Variants in FNTB observed in about 807,000 individuals in gnomAD.
FNTB encodes the protein farnesyltransferase, CAAX box, subunit beta, also known as protein farnesyltransferase subunit beta.
Under a neutral mutation model 59.4 loss-of-function variants are expected in FNTB, and 27 were observed. The observed-to-expected ratio is 0.45, with a 90% CI of 0.34 to 0.63. FNTB has a LOEUF of 0.63. Ranked by LOEUF, FNTB falls within the 20% of genes least tolerant of loss-of-function variation. FNTB has a pLI of 0.02. For missense variants in FNTB, 449 were observed against 559.6 expected (o/e 0.80, Z 1.99); for synonymous variants, 230 against 220.7 (o/e 1.04, Z -0.37).
At chr14:65,006,174 G>A in intron 2 of FNTB, 1 of 1,218,578 alleles carries the variant, frequency 8.2e-7, no homozygotes, top group African/African-American at 2.5e-5. Flanking sequence ...TTTTTTTTTT[G>A]CCACCATTTC....
intron 7 of FNTB, among the ~76,000 whole-genome samples, chr14:65,038,093 G>C (rs1481047003): frequency 1.3e-5 from 2 of 152,000 alleles, no homozygotes; most frequent in African/African-American, 4.8e-5. Context: ...CATCCCATTA[G>C]TACATTTGAT....
intron 11 of FNTB, among the ~76,000 whole-genome samples, chr14:65,055,293 T>C (rs983463043): frequency 6.6e-6 from 1 of 152,198 alleles, no homozygotes; most frequent in African/African-American, 2.4e-5. Context: ...GCTCTGAGCC[T>C]AGACGTGAGC....
intron 4 of FNTB, among the ~76,000 whole-genome samples, chr14:65,025,196 A>G (rs1293810721): frequency 6.6e-6 from 1 of 152,172 alleles, no homozygotes; most frequent in East Asian, 1.9e-4. Context: ...GATGGTATCA[A>G]GGTGTGTCTG....
intron 1 of FNTB, among the ~76,000 whole-genome samples, chr14:64,989,165 A>G (rs1003265822): frequency 6.6e-6 from 1 of 151,974 alleles, no homozygotes; most frequent in Non-Finnish European, 1.5e-5. Context: ...AGTAAAAACA[A>G]ATTGATGGCT....
Position 65,025,354 on chromosome 14 carries a change from G to A in FNTB, c.375-2099G>A, listed in dbSNP as rs554827298. ...AAATGTGCTGTTAAGTTTTGTATCA[G>A]CTAAAACTTTTTGTGGTACAGAAAC... On this transcript the variant is annotated intron_variant, in intron 4 of 11. Transcript: ENST00000246166. 3.3e-5 allele frequency among the ~76,000 whole-genome samples: 5 copies of A among 152,300 alleles called. No individual in the cohort carries two copies. The East Asian group carries it at 9.6e-4, about 29-fold the overall frequency.
chr14:64,986,959 T>G lies in FNTB; in HGVS notation c.6T>G (p.Ala2=), dbSNP rs1307283220. The change falls in exon 1 of 12, where the codon GCT becomes GCG. Residue 2 remains alanine (A), a synonymous_variant. Coordinates refer to ENST00000246166, the MANE Select transcript of FNTB (RefSeq NM_002028.4). M[A]SPSSFTYYCP... is the part of the protein sequence containing the mutation. ...TGTCTGCTGCTCTCCTGATCATGGC[T>G]TCTCCGAGTTCTTTCACCTACTATT... The G allele has an allele frequency of 1.9e-6, 3 of 1,614,134 alleles. No individual in the cohort carries two copies. The highest frequency in any genetic ancestry group is 3.3e-5 in the Admixed American group (2 of 60,016).
At chr14:65,004,875 C>G (rs765221164) in intron 2 of FNTB, among the ~76,000 whole-genome samples, 1 of 152,088 alleles carries the variant, frequency 6.6e-6, no homozygotes, top group African/African-American at 2.4e-5. Flanking sequence ...GTTGGCCAGT[C>G]TTGTCTTAAA....
chr14:65,043,586 G>C (rs1430577857), intron 8 of FNTB, among the ~76,000 whole-genome samples: 1 of 152,068 alleles, frequency 6.6e-6, no homozygotes, highest in Non-Finnish European at 1.5e-5. Context: ...ACTTTGGGAG[G>C]CCGAGGCGGG....
Position 65,061,372 on chromosome 14 carries a change from C to T in FNTB, c.*60C>T, listed in dbSNP as rs181587610. The T allele has an allele frequency of 1.2e-5, 19 of 1,606,490 alleles. No homozygotes were observed. The East Asian group carries it at 1.3e-4, about 11-fold the overall frequency. Reference sequence around the variant, plus strand: ...TCTCCCCAGTCAGACAAGGTTTATACGTTTCAATACATACTGCATTCTGTG... The same window carrying T: ...TCTCCCCAGTCAGACAAGGTTTATATGTTTCAATACATACTGCATTCTGTG... On this transcript the variant is annotated 3_prime_UTR_variant, in exon 12 of 12. Coordinates refer to ENST00000246166, the MANE Select transcript of FNTB (RefSeq NM_002028.4).
At chr14:65,004,771 T>C (rs2061555566) in intron 2 of FNTB, among the ~76,000 whole-genome samples, 1 of 152,132 alleles carries the variant, frequency 6.6e-6, no homozygotes, top group Non-Finnish European at 1.5e-5. Flanking sequence ...CAAGTGATTC[T>C]CCTGCCTCAG....
chr14:65,040,721 AGGATGGTCCTG>A, intron 7 of FNTB, 58 bp from the exon 8 acceptor site: 1 of 1,519,858 alleles, frequency 6.6e-7, no homozygotes, highest in African/African-American at 1.4e-5. Context: ...TCTGCCACCT[AGGATGGTCCTG>A]GTCTTGTGTA....
intron 2 of FNTB, chr14:65,006,265 GTTAAC>G: frequency 6.2e-7 from 1 of 1,613,812 alleles, no homozygotes; most frequent in East Asian, 2.2e-5. Context: ...AGGTGGGAGG[GTTAAC>G]TTCATCTTTG....
At chr14:65,038,268 G>T (rs1438285601) in intron 7 of FNTB, among the ~76,000 whole-genome samples, 1 of 151,828 alleles carries the variant, frequency 6.6e-6, no homozygotes, top group Non-Finnish European at 1.5e-5. Flanking sequence ...ACATTAGCCG[G>T]GTGTGGTGGT....
At chr14:65,035,947 T>C (rs2062180013) in intron 7 of FNTB, among the ~76,000 whole-genome samples, 1 of 151,734 alleles carries the variant, frequency 6.6e-6, no homozygotes, top group Admixed American at 6.6e-5. Context: ...TCTTCCCACC[T>C]CAGCCTCCTG....
At position 65,047,978 on chromosome 14, in the gene FNTB, A is replaced by ATTTTTTTTTTTTTTTTTTTTTTTTTT. The variant is rs34879850; in HGVS notation, c.955+3537_955+3562dup. Among the ~76,000 whole-genome samples the ATTTTTTTTTTTTTTTTTTTTTTTTTT allele has an allele frequency of 1.6e-5, 1 of 64,128 alleles. No individual in the cohort carries two copies. Among genetic ancestry groups the ATTTTTTTTTTTTTTTTTTTTTTTTTT allele is most frequent in the Non-Finnish European group, 2.7e-5 (1 of 36,398 alleles). The allele number at this position is 64,128 out of a possible 152,430, so 42.1% of individuals were successfully genotyped here. A position where few individuals can be genotyped will look rare whatever the true frequency, so the allele number is the denominator to read the frequency against. The stretch of plus-strand genomic sequence containing the variant: ...AGACAGAAGGAGGGAGACTTTTTAG[A>ATTTTTTTTTTTTTTTTTTTTTTTTTT]TTTTTTTTTTTTTTTTTTTTTTTTT... On this transcript the variant is annotated intron_variant, in intron 9 of 11. Transcript: ENST00000246166. This position sits in a 1 kb window ranked among gnomAD's most constrained non-coding sequence, Gnocchi z 5.2.
rs979406560 is a variant in FNTB at position 65,028,306 on chromosome 14, C to T, written c.605+525C>T. Among the ~76,000 whole-genome samples the T allele has an allele frequency of 1.3e-5, 2 of 152,072 alleles. No homozygotes were observed. The highest frequency in any genetic ancestry group is 2.9e-5 in the Non-Finnish European group (2 of 68,028). On this transcript the variant is annotated intron_variant, in intron 6 of 11. Coordinates refer to ENST00000246166, the MANE Select transcript of FNTB (RefSeq NM_002028.4). The surrounding 1 kb of genome is among the most constrained non-coding windows in gnomAD (Gnocchi z 4.4). ...ATTAACTGATTGGTGCCAGTTAGCT[C>T]GAAATTATTATTTTCTTCCATAAGT...
chr14:65,038,641 C>T (rs1442282877), intron 7 of FNTB, among the ~76,000 whole-genome samples: 1 of 152,114 alleles, frequency 6.6e-6, no homozygotes, highest in Non-Finnish European at 1.5e-5. Context: ...TCACTTGAAC[C>T]CAGGAGGCGG....
At chr14:65,041,027 A>T (rs2062341270) in intron 8 of FNTB, 108 bp downstream of exon 8, 1 of 1,501,504 alleles carries the variant, frequency 6.7e-7, no homozygotes, top group Admixed American at 2.0e-5. Flanking sequence ...GGGCTAAGAG[A>T]GTTAGCTCTG....
At chr14:65,004,145 C>A in intron 1 of FNTB, 104 bp from the exon 2 acceptor site, 1 of 1,336,542 alleles carries the variant, frequency 7.5e-7, no homozygotes, top group Non-Finnish European at 1.0e-6. Context: ...CAGACCATAC[C>A]AACCAACCCT....
Sources: allele counts gnomAD v4.1 joint callset (sites outside exome capture counted in the v4.1 genomes callset), GRCh38; gene constraint gnomAD v4.1.1; non-coding constraint Gnocchi (gnomAD v3.1); transcripts MANE v1.5; gene names NCBI Gene and HGNC (gene_info 2026-07-23, HGNC 2026-07-21).